The following TMC5 variants were observed in gnomAD, a reference collection of about 807,000 sequenced individuals.
The protein encoded by TMC5 is transmembrane channel like 5, also known as transmembrane channel-like protein 5.
TMC5 carries 86 observed loss-of-function variants against 110.5 expected under a neutral mutation model. That is an observed-to-expected ratio of 0.78 (90% CI 0.65 to 0.93). The LOEUF is 0.93. Among genes scored for constraint, TMC5 ranks in the 40% least tolerant of loss-of-function variants. The pLI, the probability that TMC5 is intolerant of heterozygous loss-of-function variation, is 0.00. For missense variants in TMC5, 1,144 were observed against 1,222.8 expected, an observed-to-expected ratio of 0.94 and a Z score of 0.96; for synonymous variants, 455 against 439.5, an observed-to-expected ratio of 1.04 and a Z score of -0.44.
intron 13 of TMC5, among the ~76,000 whole-genome samples, chr16:19,478,237 G>A (rs533380715): frequency 6.6e-6 from 1 of 152,254 alleles, no homozygotes; most frequent in South Asian, 2.1e-4. Context: ...AGATACCCAG[G>A]ATGCCCTGGG....
At chr16:19,470,851 A>C (rs1374974813) in intron 10 of TMC5, among the ~76,000 whole-genome samples, 1 of 151,324 alleles carries the variant, frequency 6.6e-6, no homozygotes, top group African/African-American at 2.4e-5. Context: ...GGCCAACATG[A>C]TGAAACCCCA....
upstream of TMC5, among the ~76,000 whole-genome samples, chr16:19,414,362 T>A (rs1366244128): frequency 6.6e-6 from 1 of 152,188 alleles, no homozygotes; most frequent in East Asian, 1.9e-4. Flanking sequence ...CAAATTATTT[T>A]AAAAATTTAT....
chr16:19,410,607 C>T (rs35238418), upstream of TMC5: 78,962 of 152,060 alleles, frequency 0.52, 22,283 homozygotes, highest in South Asian at 0.72. Context: ...GTCTCGGATG[C>T]CAGCAGGCGT....
In TMC5 at chr16:19,440,200, A is replaced by C; in HGVS notation, c.162A>C (p.Pro54=). The change falls in exon 3 of 22, where the codon CCA becomes CCC. Residue 54 remains proline (P), a synonymous_variant. Coordinates refer to ENST00000542583, the MANE Select transcript of TMC5 (RefSeq NM_001261841.2). The part of the protein sequence containing the change: ...NPDYPGTRSN[P]YSVASRTRPD... Reference sequence around the variant, plus strand: ...ACTACCCCGGCACCAGGAGCAATCCATACTCTGTAGCCTCCAGAACACGTC... The same window carrying C: ...ACTACCCCGGCACCAGGAGCAATCCCTACTCTGTAGCCTCCAGAACACGTC... 1 of 1,614,194 alleles carries C rather than the reference A, an allele frequency of 6.2e-7. No individual in the cohort carries two copies. Among genetic ancestry groups the C allele is most frequent in the Non-Finnish European group, 8.5e-7 (1 of 1,180,026 alleles).
In TMC5 at chr16:19,440,096, T is replaced by C. The variant is rs146537276; in HGVS notation, c.58T>C (p.Ser20Pro). 2.4e-3 allele frequency: 3,926 copies of C among 1,614,108 alleles called. 5 individuals are homozygous for C. The highest frequency in any genetic ancestry group is 3.0e-3 in the Non-Finnish European group (3,520 of 1,180,020). ...GGAAGACCCAGATTACCCTGACTAT[T>C]CAGGGTCTCAGAACCGTACGCAGGG... ...SEEDPDYPDY[S>P]GSQNRTQGYL... The change falls in exon 3 of 22, where the codon TCA (serine) becomes CCA (proline). Residue 20 changes from serine (S) to proline (P), a missense_variant. Transcript: ENST00000542583.
chr16:19,460,201 A>G, intron 5 of TMC5, 34 bp from the exon 6 acceptor site: 1 of 1,542,152 alleles, frequency 6.5e-7, no homozygotes, highest in Non-Finnish European at 8.9e-7. Flanking sequence ...TGTTAAAGAA[A>G]AAAGAAATTA....
chr16:19,439,723 C>T (rs1967435981), intron 2 of TMC5, among the ~76,000 whole-genome samples: 1 of 152,176 alleles, frequency 6.6e-6, no homozygotes, highest in Non-Finnish European at 1.5e-5. Flanking sequence ...GGAGAAATAA[C>T]CTCTTTCCTC....
chr16:19,481,433 T>G lies in TMC5; in HGVS notation c.2331T>G (p.Val777=). The change falls in exon 15 of 22, where the codon GTT becomes GTG. Residue 777 remains valine (V), a synonymous_variant. Coordinates refer to ENST00000542583, the MANE Select transcript of TMC5 (RefSeq NM_001261841.2). Reference sequence around the variant, plus strand: ...AGGAGTTTGACATTGCCAGGAACGTTCTAGAACTGATCTATGCACAAACTC... The same window carrying G: ...AGGAGTTTGACATTGCCAGGAACGTGCTAGAACTGATCTATGCACAAACTC... The part of the protein sequence containing the change: ...GLQEFDIARN[V]LELIYAQTLV... 1 of 1,614,044 alleles carries G rather than the reference T, an allele frequency of 6.2e-7. No homozygotes were observed. The highest frequency in any genetic ancestry group is 1.1e-5 in the South Asian group (1 of 91,084).
intron 8 of TMC5, among the ~76,000 whole-genome samples, chr16:19,464,574 T>C (rs991858125): frequency 6.6e-6 from 1 of 152,242 alleles, no homozygotes; most frequent in African/African-American, 2.4e-5. Context: ...TCTGTGCACG[T>C]ACAGAGGCAT....
chr16:19,427,358 G>A (rs560514214), intron 1 of TMC5, among the ~76,000 whole-genome samples: 15 of 152,282 alleles, frequency 9.9e-5, no homozygotes, highest in African/African-American at 3.1e-4. Context: ...AGGCTGAGAC[G>A]CAGGAATCAC....
At chr16:19,436,747 A>G (rs1967358976) in intron 2 of TMC5, among the ~76,000 whole-genome samples, 1 of 152,190 alleles carries the variant, frequency 6.6e-6, no homozygotes, top group Admixed American at 6.5e-5. Context: ...AGGTGTTTAA[A>G]TGATGTCATC....
At chr16:19,427,835 A>T (rs116801762) in intron 1 of TMC5, among the ~76,000 whole-genome samples, 3 of 139,590 alleles carry the variant, frequency 2.1e-5, no homozygotes, top group South Asian at 5.5e-4. Flanking sequence ...CCACTGCTCT[A>T]GATCCATAGT....
At chr16:19,441,098 T>C (rs1475225000) in intron 3 of TMC5, among the ~76,000 whole-genome samples, 2 of 151,760 alleles carry the variant, frequency 1.3e-5, no homozygotes, top group Non-Finnish European at 2.9e-5. Flanking sequence ...ATTCAATCCC[T>C]GTAAGACATC....
upstream of TMC5, among the ~76,000 whole-genome samples, chr16:19,415,541 G>T (rs1023559534): frequency 2.6e-5 from 4 of 152,168 alleles, no homozygotes; most frequent in Non-Finnish European, 5.9e-5. Context: ...CAGTTGTCTG[G>T]CCCCAAATGA....
At chr16:19,463,588 C>G (rs1968083228) in intron 7 of TMC5, among the ~76,000 whole-genome samples, 188 bp from the exon 8 acceptor site, 1 of 152,200 alleles carries the variant, frequency 6.6e-6, no homozygotes, top group Admixed American at 6.5e-5. Flanking sequence ...GCACCTTCAA[C>G]AGCAAACCTG....
intron 12 of TMC5, chr16:19,474,670 TAAAC>T (rs1391796777): frequency 5.4e-6 from 1 of 183,946 alleles, no homozygotes; most frequent in Non-Finnish European, 1.1e-5. Flanking sequence ...GACCCTGTCT[TAAAC>T]AACAACAAAA....
rs140790311 is a variant in TMC5 at position 19,428,149 on chromosome 16, C to T, written c.-307-2264C>T. 8.0e-4 allele frequency among the ~76,000 whole-genome samples: 122 copies of T among 152,162 alleles called. 2 individuals are homozygous for T. The highest frequency in any genetic ancestry group is 2.6e-3 in the Admixed American group (39 of 15,272). ...GTAAAAGAGGAGGAATCTTAGCTAG[C>T]GGAAAGAGATTTGATAGGCTTCAAA... On this transcript the variant is annotated intron_variant, in intron 1 of 21. Coordinates refer to ENST00000542583, the MANE Select transcript of TMC5 (RefSeq NM_001261841.2).
chr16:19,439,362 C>T (rs1967427388), intron 2 of TMC5, among the ~76,000 whole-genome samples: 1 of 152,082 alleles, frequency 6.6e-6, no homozygotes, highest in African/African-American at 2.4e-5. Flanking sequence ...TGCTTTGAAC[C>T]CTAGAACCTC....
At chr16:19,479,688 A>G (rs1968569890) in intron 14 of TMC5, among the ~76,000 whole-genome samples, 160 bp downstream of exon 14, 1 of 152,160 alleles carries the variant, frequency 6.6e-6, no homozygotes, top group Non-Finnish European at 1.5e-5. Flanking sequence ...AAATTAGCTA[A>G]AATTTCACCT....
Sources: allele counts gnomAD v4.1 joint callset (sites outside exome capture counted in the v4.1 genomes callset), GRCh38; gene constraint gnomAD v4.1.1; transcripts MANE v1.5; gene names NCBI Gene and HGNC (gene_info 2026-07-23, HGNC 2026-07-21).